The following ITGA11 variants were observed in gnomAD, a reference collection of about 807,000 sequenced individuals.
ITGA11 encodes the protein integrin alpha-11.
In ITGA11, 97 loss-of-function variants were observed where a neutral mutation model predicts 141.9. That is an observed-to-expected ratio of 0.68 (90% CI 0.58 to 0.81). The LOEUF is 0.81. Among genes scored for constraint, ITGA11 ranks in the 30% least tolerant of loss-of-function variants. ITGA11 has a pLI of 0.00. For synonymous variants in ITGA11, 658 were observed against 624.6 expected, an observed-to-expected ratio of 1.05 and a Z score of -0.80; for missense variants, 1,387 against 1,559.2, an observed-to-expected ratio of 0.89 and a Z score of 1.86.
At chr15:68,359,538 C>T (rs181298797) in intron 5 of ITGA11, among the ~76,000 whole-genome samples, 18 of 152,146 alleles carry the variant, frequency 1.2e-4, no homozygotes, top group African/African-American at 3.9e-4. Context: ...CCCAGCTACT[C>T]GGGAGGCTGA....
In ITGA11 at chr15:68,328,026, T is replaced by C; in HGVS notation, c.2068+70A>G. 3 of 1,474,864 alleles carry C rather than the reference T, an allele frequency of 2.0e-6. No homozygotes were observed. The highest frequency in any genetic ancestry group is 2.7e-6 in the Non-Finnish European group (3 of 1,095,168). 91.4% of individuals were successfully genotyped at this position (1,474,864 alleles called of 1,614,324 possible). A position where few individuals can be genotyped will look rare whatever the true frequency, so the allele number is the denominator to read the frequency against. ...CACCCATTTTGGGAAAAGCCCAGGC[T>C]TTGAAATAGAGCAAGGTGCAGGGGG... On this transcript the variant is annotated intron_variant, in intron 16 of 29. Coordinates refer to ENST00000315757, the MANE Select transcript of ITGA11 (RefSeq NM_001004439.2). The surrounding 1 kb of genome is among the most constrained non-coding windows in gnomAD (Gnocchi z 4.8).
intron 1 of ITGA11, among the ~76,000 whole-genome samples, chr15:68,419,872 G>C (rs1328178802): frequency 6.6e-6 from 1 of 152,158 alleles, no homozygotes; most frequent in African/African-American, 2.4e-5. Flanking sequence ...GGGTGATCTT[G>C]GCTAAGTTAC....
chr15:68,375,183 G>A (rs1203341407), intron 2 of ITGA11, among the ~76,000 whole-genome samples: 1 of 152,176 alleles, frequency 6.6e-6, no homozygotes, highest in African/African-American at 2.4e-5. Flanking sequence ...TTCCTCACCT[G>A]TTCCTTTCTC....
At chr15:68,352,858 T>C (rs1324796491) in intron 7 of ITGA11, among the ~76,000 whole-genome samples, 2 of 152,186 alleles carry the variant, frequency 1.3e-5, no homozygotes, top group African/African-American at 4.8e-5. Flanking sequence ...CTACAAAGCA[T>C]GAAAAACTGG....
chr15:68,422,245 G>C (rs1000473650), intron 1 of ITGA11, among the ~76,000 whole-genome samples: 1 of 152,062 alleles, frequency 6.6e-6, no homozygotes, highest in African/African-American at 2.4e-5. Flanking sequence ...TCCACTGCCT[G>C]AGGGCCACCT....
chr15:68,336,908 G>T (rs1249838114), intron 11 of ITGA11, among the ~76,000 whole-genome samples: 4 of 152,204 alleles, frequency 2.6e-5, no homozygotes, highest in African/African-American at 9.7e-5. Flanking sequence ...GGGGTGAACT[G>T]CTCTGGTTCC....
intron 10 of ITGA11, among the ~76,000 whole-genome samples, chr15:68,347,715 C>T (rs1367091383): frequency 6.6e-6 from 1 of 152,162 alleles, no homozygotes; most frequent in Non-Finnish European, 1.5e-5. Flanking sequence ...GAATTTTACT[C>T]CAGCAGGTCA....
intron 21 of ITGA11, among the ~76,000 whole-genome samples, chr15:68,316,692 T>A (rs1893590329): frequency 6.6e-6 from 1 of 152,174 alleles, no homozygotes; most frequent in Non-Finnish European, 1.5e-5. Flanking sequence ...CTGCCACAGC[T>A]CCTCTCTGAT....
chr15:68,405,159 CTT>C lies in ITGA11; in HGVS notation c.53-2132_53-2131del, dbSNP rs201537337. ...ACAAGTTATTTTTCCCACTGTCTCCCTTTTTTTTTTTTTTTTGCTCAGCAAAC... is the reference window on the plus strand; with the variant it reads ...ACAAGTTATTTTTCCCACTGTCTCCCTTTTTTTTTTTTTTGCTCAGCAAAC... On this transcript the variant is annotated intron_variant, in intron 1 of 29. Coordinates refer to ENST00000315757, the MANE Select transcript of ITGA11 (RefSeq NM_001004439.2). Among the ~76,000 whole-genome samples, 197 of 118,926 alleles carry C rather than the reference CTT, an allele frequency of 1.7e-3. 3 individuals carry two copies. Among genetic ancestry groups the C allele is most frequent in the East Asian group, 0.014 (53 of 3,920 alleles). The allele number at this position is 118,926 out of a possible 152,430, so 78.0% of individuals were successfully genotyped here.
At position 68,325,221 on chromosome 15, in the gene ITGA11, C is replaced by T. The variant is rs747590293; in HGVS notation, c.2232G>A (p.Lys744=). ...FHVLDTADYV[K]PVTFSVEYSL... Reference sequence around the variant, plus strand: ...AATACTCGACTGAGAAGGTCACTGGCTTCACGTAGTCAGCAGTGTCCTGGG... The same window carrying T: ...AATACTCGACTGAGAAGGTCACTGGTTTCACGTAGTCAGCAGTGTCCTGGG... Residue 744 remains lysine (K), a synonymous_variant, in exon 18 of 30, where the codon AAG becomes AAA. Transcript: ENST00000315757. The surrounding 1 kb of genome is among the most constrained non-coding windows in gnomAD (Gnocchi z 5.5). The T allele has an allele frequency of 7.5e-5, 121 of 1,613,624 alleles. No individual in the cohort carries two copies. The highest frequency in any genetic ancestry group is 9.8e-5 in the Non-Finnish European group (116 of 1,179,712).
At chr15:68,318,771 T>C (rs1441100071) in intron 20 of ITGA11, among the ~76,000 whole-genome samples, 2 of 150,920 alleles carry the variant, frequency 1.3e-5, no homozygotes, top group African/African-American at 4.9e-5. Flanking sequence ...GGTTCTGGGG[T>C]GGAGAGGACA....
At chr15:68,401,818 A>G (rs998649683) in intron 2 of ITGA11, among the ~76,000 whole-genome samples, 1 of 152,200 alleles carries the variant, frequency 6.6e-6, no homozygotes, top group Non-Finnish European at 1.5e-5. Flanking sequence ...CAAAATGCCT[A>G]TACTTTGTTG....
intron 10 of ITGA11, chr15:68,340,772 C>G (rs1488271157): frequency 6.6e-6 from 1 of 152,270 alleles, no homozygotes; most frequent in African/African-American, 2.4e-5. Flanking sequence ...CCCCGATCCC[C>G]TGCTTCAGCA....
rs141167675 is a variant in ITGA11, at chr15:68,328,349, G to C, written c.1902-87C>G. The C allele has an allele frequency of 7.9e-7, 1 of 1,261,032 alleles. No homozygotes were observed. The highest frequency in any genetic ancestry group is 2.5e-5 in the East Asian group (1 of 40,654). The allele number at this position is 1,261,032 out of a possible 1,614,324, so 78.1% of individuals were successfully genotyped here. ...ATGGGGAAAGACAAGAACCAGATGC[G>C]AGTGGGATCTGCAAAGCCACTGGAG... On this transcript the variant is annotated intron_variant, in intron 15 of 29. Coordinates refer to ENST00000315757, the MANE Select transcript of ITGA11 (RefSeq NM_001004439.2). This position sits in a 1 kb window ranked among gnomAD's most constrained non-coding sequence, Gnocchi z 4.8.
intron 15 of ITGA11, among the ~76,000 whole-genome samples, chr15:68,330,486 C>CT (rs34407903): frequency 0.19 from 27,052 of 140,888 alleles, 3,467 homozygotes; most frequent in East Asian, 0.53. Flanking sequence ...TACTCAAGGT[C>CT]TTTTTTTTTT....
intron 2 of ITGA11, among the ~76,000 whole-genome samples, chr15:68,390,897 C>G (rs999902345): frequency 6.6e-6 from 1 of 152,210 alleles, no homozygotes; most frequent in Non-Finnish European, 1.5e-5. Flanking sequence ...TGCTCCTGTC[C>G]TTCCTTTGAG....
rs1044702311 is a variant in ITGA11, at chr15:68,425,270, G to T, written c.52+6745C>A. ...GGCTGAGGGCCTCATGTTCAGAAAGGCCCTGCACTTGGTGAATGCCCTGCT... is the reference window on the plus strand; with the variant it reads ...GGCTGAGGGCCTCATGTTCAGAAAGTCCCTGCACTTGGTGAATGCCCTGCT... On this transcript the variant is annotated intron_variant, in intron 1 of 29. Transcript: ENST00000315757. Among the ~76,000 whole-genome samples, 5 of 152,322 alleles carry T rather than the reference G, an allele frequency of 3.3e-5. No homozygotes were observed. The East Asian group carries it at 9.6e-4, about 29-fold the overall frequency.
At chr15:68,407,375 G>A (rs780181167) in intron 1 of ITGA11, among the ~76,000 whole-genome samples, 10 of 152,158 alleles carry the variant, frequency 6.6e-5, no homozygotes, top group African/African-American at 1.9e-4. Flanking sequence ...TGACCAAACC[G>A]AACCAACCAG....
chr15:68,388,618 A>G (rs946907444), intron 2 of ITGA11, among the ~76,000 whole-genome samples: 1 of 152,188 alleles, frequency 6.6e-6, no homozygotes, highest in Non-Finnish European at 1.5e-5. Context: ...CAGGTACTCA[A>G]GAAGTATTAA....
Sources: allele counts gnomAD v4.1 joint callset (sites outside exome capture counted in the v4.1 genomes callset), GRCh38; gene constraint gnomAD v4.1.1; non-coding constraint Gnocchi (gnomAD v3.1); transcripts MANE v1.5; gene names NCBI Gene and HGNC (gene_info 2026-07-23, HGNC 2026-07-21).